The following ERP44 variants were observed in gnomAD, a reference collection of about 807,000 sequenced individuals.
ERP44 encodes the protein endoplasmic reticulum protein 44, also known as endoplasmic reticulum resident protein 44.
A neutral mutation model predicts 53.4 loss-of-function variants in ERP44; 25 were observed. The ratio of observed to expected loss-of-function variants is 0.47; its 90% CI spans 0.34 to 0.65. The LOEUF is 0.65. Among genes scored for constraint, ERP44 ranks in the 30% least tolerant of loss-of-function variants. The pLI, the probability that ERP44 is intolerant of heterozygous loss-of-function variation, is 0.01. For synonymous variants in ERP44, 145 were observed against 161.2 expected, an observed-to-expected ratio of 0.90 and a Z score of 0.76; for missense variants, 338 against 493.2, an observed-to-expected ratio of 0.69 and a Z score of 2.98.
rs952143380 is a variant in ERP44, at chr9:99,981,964, A to G, written c.*648T>C. 2 of 152,404 alleles carry G rather than the reference A, an allele frequency of 1.3e-5. No homozygotes were observed. Among genetic ancestry groups the G allele is most frequent in the Non-Finnish European group, 2.9e-5 (2 of 68,044 alleles). The allele number at this position is 152,404 out of a possible 1,614,324, so 9.4% of individuals were successfully genotyped here. On this transcript the variant is annotated 3_prime_UTR_variant, in exon 12 of 12. Transcript: ENST00000262455. ...ATTTTTAGACAAACACAGAAGCTTA[A>G]TAATACTTTTCATTTTCTTTTTCTT... is the stretch of plus-strand genomic sequence containing the variant.
At chr9:99,993,814 A>G (rs1331363389) in intron 10 of ERP44, among the ~76,000 whole-genome samples, 1 of 152,250 alleles carries the variant, frequency 6.6e-6, no homozygotes, top group African/African-American at 2.4e-5. Flanking sequence ...ACAAATTTAC[A>G]AGAAAAAACC....
chr9:100,043,851 G>A lies in ERP44; in HGVS notation c.286+8566C>T, dbSNP rs190501834. ...AAAAATAAATTACCTCTAGACAGGAGAAATAAGTTCTAGTGTTGTTCTACA... is the reference window on the plus strand; with the variant it reads ...AAAAATAAATTACCTCTAGACAGGAAAAATAAGTTCTAGTGTTGTTCTACA... On this transcript the variant is annotated intron_variant, in intron 4 of 11. Transcript: ENST00000262455. Among the ~76,000 whole-genome samples, 176 of 152,240 alleles carry A rather than the reference G, an allele frequency of 1.2e-3. 1 individual carries two copies. Among genetic ancestry groups the A allele is most frequent in the African/African-American group, 4.1e-3 (172 of 41,544 alleles).
In ERP44 at chr9:100,098,773, C is replaced by A; in HGVS notation, c.57+11G>T. The A allele has an allele frequency of 6.2e-7, 1 of 1,612,476 alleles. No homozygotes were observed. Among genetic ancestry groups the A allele is most frequent in the South Asian group, 1.1e-5 (1 of 91,018 alleles). ...TGCGTTTGTCGATGGGTCTGTCATTCCCTCACTCACCAGGAGCAGAAGGGA... is the reference window on the plus strand; with the variant it reads ...TGCGTTTGTCGATGGGTCTGTCATTACCTCACTCACCAGGAGCAGAAGGGA... On this transcript the variant is annotated intron_variant, in intron 1 of 11. Transcript: ENST00000262455.
intron 4 of ERP44, among the ~76,000 whole-genome samples, chr9:100,037,173 G>A (rs1338274399): frequency 6.6e-6 from 1 of 152,180 alleles, no homozygotes; most frequent in Non-Finnish European, 1.5e-5. Context: ...CAGTGATTGG[G>A]AGAAGGAGAG....
chr9:99,981,045 C>T lies in ERP44; in HGVS notation c.*1567G>A, dbSNP rs1830143598. 1 of 152,234 alleles carries T rather than the reference C, an allele frequency of 6.6e-6. No individual in the cohort carries two copies. The highest frequency in any genetic ancestry group is 2.4e-5 in the African/African-American group (1 of 41,460). The allele number at this position is 152,234 out of a possible 1,614,324, so 9.4% of individuals were successfully genotyped here. On this transcript the variant is annotated 3_prime_UTR_variant, in exon 12 of 12. Coordinates refer to ENST00000262455, the MANE Select transcript of ERP44 (RefSeq NM_015051.3). ...GAATGTGAATTTCCATGCTGACCCT[C>T]ACAGATCTGGTCCATAATCTAACCT...
chr9:100,052,942 G>A (rs1826053522), intron 3 of ERP44, among the ~76,000 whole-genome samples: 1 of 151,920 alleles, frequency 6.6e-6, no homozygotes, highest in South Asian at 2.1e-4. Flanking sequence ...TTTTGAGACA[G>A]GGTCTCATTC....
chr9:100,002,697 C>G (rs1182190466), intron 10 of ERP44, among the ~76,000 whole-genome samples: 3 of 151,694 alleles, frequency 2.0e-5, no homozygotes, highest in Admixed American at 6.6e-5. Flanking sequence ...TCTTCTCTTG[C>G]TGCTTTCATA....
At chr9:100,011,445 A>G (rs1830475168) in intron 8 of ERP44, among the ~76,000 whole-genome samples, 1 of 152,258 alleles carries the variant, frequency 6.6e-6, no homozygotes, top group Admixed American at 6.5e-5. Flanking sequence ...CAGTGCACAT[A>G]GAAGGGTATT....
At chr9:100,032,868 A>G (rs189856538) in intron 4 of ERP44, among the ~76,000 whole-genome samples, 1 of 152,348 alleles carries the variant, frequency 6.6e-6, no homozygotes, top group East Asian at 1.9e-4. Flanking sequence ...GGACTCATGG[A>G]GAGCTGAAAT....
intron 11 of ERP44, among the ~76,000 whole-genome samples, chr9:99,983,316 C>T (rs1021774564): frequency 3.3e-5 from 5 of 151,906 alleles, no homozygotes; most frequent in African/African-American, 7.2e-5. Context: ...GAGGCCGAGG[C>T]GGGTGGATCA....
At chr9:100,016,243 C>A in intron 8 of ERP44, 79 bp downstream of exon 8, 2 of 1,515,212 alleles carry the variant, frequency 1.3e-6, no homozygotes, top group Non-Finnish European at 1.8e-6. Context: ...ACTCTGTTAA[C>A]ATAGTAAGAC....
chr9:100,088,274 T>G (rs1424070618), intron 1 of ERP44, among the ~76,000 whole-genome samples: 1 of 152,258 alleles, frequency 6.6e-6, no homozygotes, highest in African/African-American at 2.4e-5. Flanking sequence ...ACTAAATGAC[T>G]TCATCTTCTA....
At chr9:100,060,571 T>C (rs1194502718) in intron 1 of ERP44, among the ~76,000 whole-genome samples, 1 of 152,202 alleles carries the variant, frequency 6.6e-6, no homozygotes, top group Non-Finnish European at 1.5e-5. Flanking sequence ...TCCTGCCATG[T>C]TTCTAAGACA....
At chr9:100,029,640 C>T (rs1374230479) in intron 4 of ERP44, among the ~76,000 whole-genome samples, 1 of 152,298 alleles carries the variant, frequency 6.6e-6, no homozygotes, top group Admixed American at 6.5e-5. Context: ...AATAGAACTA[C>T]CACATGATCT....
At chr9:100,037,725 T>C (rs978704925) in intron 4 of ERP44, among the ~76,000 whole-genome samples, 1 of 152,014 alleles carries the variant, frequency 6.6e-6, no homozygotes, top group African/African-American at 2.4e-5. Flanking sequence ...GGATGACATT[T>C]CTAGATACAT....
At chr9:100,054,303 G>A (rs1030934301) in intron 3 of ERP44, among the ~76,000 whole-genome samples, 4 of 152,144 alleles carry the variant, frequency 2.6e-5, no homozygotes, top group African/African-American at 4.8e-5. Flanking sequence ...CTTACAGTTC[G>A]CTGAAAATAA....
In ERP44 at chr9:99,982,594, A is replaced by C. The variant is rs749428062; in HGVS notation, c.*18T>G. ...TTGATGCTGCTGTTGAAAGGCTTAC[A>C]AACTGTTTTTCAAGTTTTTAAAGCT... is the stretch of plus-strand genomic sequence containing the variant. On this transcript the variant is annotated 3_prime_UTR_variant, in exon 12 of 12. Coordinates refer to ENST00000262455, the MANE Select transcript of ERP44 (RefSeq NM_015051.3). 4 of 1,388,096 alleles carry C rather than the reference A, an allele frequency of 2.9e-6. No homozygotes were observed. Among genetic ancestry groups the C allele is most frequent in the South Asian group, 1.5e-5 (1 of 67,356 alleles). 86.0% of individuals were successfully genotyped at this position (1,388,096 alleles called of 1,614,324 possible).
chr9:100,072,686 C>A (rs1473975982), intron 1 of ERP44, among the ~76,000 whole-genome samples: 1 of 152,102 alleles, frequency 6.6e-6, no homozygotes, highest in African/African-American at 2.4e-5. Context: ...CCACGTCTGG[C>A]TAATTTTTTG....
At chr9:100,067,038 C>T (rs1254802995) in intron 1 of ERP44, among the ~76,000 whole-genome samples, 1 of 152,160 alleles carries the variant, frequency 6.6e-6, no homozygotes, top group Non-Finnish European at 1.5e-5. Flanking sequence ...TCAGTGCAAC[C>T]CATCTTGGTC....
Sources: allele counts gnomAD v4.1 joint callset (sites outside exome capture counted in the v4.1 genomes callset), GRCh38; gene constraint gnomAD v4.1.1; transcripts MANE v1.5; gene names NCBI Gene and HGNC (gene_info 2026-07-23, HGNC 2026-07-21).